Variants in KANSL1L observed in about 807,000 individuals in gnomAD.
The protein encoded by KANSL1L is KAT8 regulatory NSL complex subunit 1 like.
A neutral mutation model predicts 108.6 loss-of-function variants in KANSL1L; 25 were observed. The observed-to-expected ratio is 0.23, with a 90% CI of 0.17 to 0.32. The LOEUF (loss-of-function observed/expected upper bound fraction) is 0.32, where lower values mean the gene tolerates loss of function less well. Among genes scored for constraint, KANSL1L ranks in the 10% least tolerant of loss-of-function variants. The probability of loss-of-function intolerance (pLI) is 1.00; values close to 1 mark genes in which losing one functional copy is unlikely to be tolerated. For missense variants in KANSL1L, 1,137 were observed against 1,125.7 expected (o/e 1.01, Z -0.14); for synonymous variants, 405 against 395.1 (o/e 1.03, Z -0.30).
chr2:210,164,865 T>G (rs952218862), intron 1 of KANSL1L, among the ~76,000 whole-genome samples: 6 of 149,286 alleles, frequency 4.0e-5, no homozygotes, highest in Non-Finnish European at 7.4e-5. Flanking sequence ...GTTTTTTTTT[T>G]TTTGTTTTTT....
chr2:210,027,604 G>C (rs1321702558), intron 11 of KANSL1L, among the ~76,000 whole-genome samples: 1 of 152,154 alleles, frequency 6.6e-6, no homozygotes, highest in East Asian at 1.9e-4. Context: ...TAATAATTAT[G>C]TACTGACTGA....
At chr2:210,041,777 C>T (rs1297737375) in intron 7 of KANSL1L, among the ~76,000 whole-genome samples, 1 of 152,140 alleles carries the variant, frequency 6.6e-6, no homozygotes, top group Non-Finnish European at 1.5e-5. Context: ...ATGATCTCTT[C>T]TTCAAATAAT....
chr2:210,107,466 C>A (rs1370101730), intron 3 of KANSL1L, among the ~76,000 whole-genome samples: 2 of 148,164 alleles, frequency 1.3e-5, no homozygotes, highest in African/African-American at 2.5e-5. Context: ...AAAGCTGTCG[C>A]AAGAACCACC....
intron 4 of KANSL1L, among the ~76,000 whole-genome samples, chr2:210,103,833 A>G (rs1457786443): frequency 1.3e-5 from 2 of 152,172 alleles, no homozygotes; most frequent in Admixed American, 1.3e-4. Context: ...TGTTAGAAAA[A>G]GGATTTTCTA....
At chr2:210,096,728 T>C in intron 5 of KANSL1L, 7 of 957,508 alleles carry the variant, frequency 7.3e-6, no homozygotes, top group Non-Finnish European at 8.7e-6. Flanking sequence ...CTATACAATA[T>C]GTAAGAATCT....
At chr2:210,107,324 C>T (rs1239121461) in intron 3 of KANSL1L, among the ~76,000 whole-genome samples, 3 of 151,650 alleles carry the variant, frequency 2.0e-5, no homozygotes, top group Admixed American at 1.3e-4. Context: ...AAGAGAGAAA[C>T]CATTTGATAT....
intron 6 of KANSL1L, among the ~76,000 whole-genome samples, chr2:210,068,519 C>T (rs2094483864): frequency 6.6e-6 from 1 of 152,108 alleles, no homozygotes; most frequent in South Asian, 2.1e-4. Flanking sequence ...AGAAGTCAGC[C>T]ACCCCGAGGA....
intron 1 of KANSL1L, among the ~76,000 whole-genome samples, chr2:210,154,889 A>G (rs1271611024): frequency 2.0e-5 from 3 of 151,886 alleles, no homozygotes; most frequent in Non-Finnish European, 4.4e-5. Context: ...TCAGAATTCT[A>G]TTTTTTGACA....
At chr2:210,105,883 TATTTC>T (rs1479168141) in intron 3 of KANSL1L, among the ~76,000 whole-genome samples, 1 of 152,150 alleles carries the variant, frequency 6.6e-6, no homozygotes, top group Non-Finnish European at 1.5e-5. Context: ...CAAAAGTTCT[TATTTC>T]ATTTGGTATT....
chr2:210,057,279 G>T (rs2094361918), intron 6 of KANSL1L, among the ~76,000 whole-genome samples: 1 of 152,164 alleles, frequency 6.6e-6, no homozygotes, highest in South Asian at 2.1e-4. Flanking sequence ...GGACTTGCCT[G>T]CAATCCCAGC....
intron 1 of KANSL1L, among the ~76,000 whole-genome samples, chr2:210,159,706 T>C (rs1189905250): frequency 6.6e-6 from 1 of 152,238 alleles, no homozygotes; most frequent in South Asian, 2.1e-4. Context: ...ATAGAAAGGA[T>C]ACTATGTTCA....
intron 9 of KANSL1L, chr2:210,030,735 T>C (rs1253978940): frequency 6.6e-6 from 1 of 151,994 alleles, no homozygotes; most frequent in African/African-American, 2.4e-5. Flanking sequence ...ATATAAAAAT[T>C]GGCCATTGTC....
intron 6 of KANSL1L, among the ~76,000 whole-genome samples, chr2:210,057,162 G>T (rs879693101): frequency 2.1e-4 from 32 of 152,326 alleles, no homozygotes; most frequent in Middle Eastern, 3.4e-3. Flanking sequence ...AGCACTTTGT[G>T]AGGCCAAGGT....
At chr2:210,148,278 G>T (rs1265576519) in intron 2 of KANSL1L, among the ~76,000 whole-genome samples, 1 of 152,124 alleles carries the variant, frequency 6.6e-6, no homozygotes, top group East Asian at 1.9e-4. Context: ...CAAAATCTGT[G>T]TTTCCCCAAA....
At chr2:210,034,897 T>C (rs2094079414) in intron 8 of KANSL1L, among the ~76,000 whole-genome samples, 1 of 152,292 alleles carries the variant, frequency 6.6e-6, no homozygotes, top group Non-Finnish European at 1.5e-5. Flanking sequence ...AATTTCTGTA[T>C]ACCCTTTTCT....
chr2:210,140,377 A>G (rs1239367479), intron 2 of KANSL1L, among the ~76,000 whole-genome samples: 2 of 152,206 alleles, frequency 1.3e-5, no homozygotes, highest in Non-Finnish European at 2.9e-5. Flanking sequence ...TTTGATATGT[A>G]GATAACCCAT....
chr2:210,078,709 T>A (rs147796497), intron 5 of KANSL1L, among the ~76,000 whole-genome samples: 2 of 152,156 alleles, frequency 1.3e-5, no homozygotes, highest in African/African-American at 4.8e-5. Flanking sequence ...ATTAACCTCA[T>A]TGAAAGCAAA....
At position 210,044,108 on chromosome 2, in the gene KANSL1L, CA is replaced by C; in HGVS notation, c.1756-5del. 6.4e-7 allele frequency: 1 copy of C among 1,568,076 alleles called. No homozygotes were observed. Among genetic ancestry groups the C allele is most frequent in the Non-Finnish European group, 8.6e-7 (1 of 1,157,468 alleles). ...CTGTTTCTTTTGAAGGCAAAGTCTG[CA>C]AGGAAAAACCGTATTAGAATATCAC... On this transcript the variant is annotated splice_region_variant and splice_polypyrimidine_tract_variant and intron_variant, in intron 6 of 14. Coordinates refer to ENST00000281772, the MANE Select transcript of KANSL1L (RefSeq NM_152519.4). The surrounding 1 kb of genome is among the most constrained non-coding windows in gnomAD (Gnocchi z 4.2).
At chr2:210,132,117 T>TA (rs1296915386) in intron 2 of KANSL1L, among the ~76,000 whole-genome samples, 1 of 151,936 alleles carries the variant, frequency 6.6e-6, no homozygotes, top group Non-Finnish European at 1.5e-5. Context: ...CATGTTTTTC[T>TA]AAAAAAAATA....
Sources: allele counts gnomAD v4.1 joint callset (sites outside exome capture counted in the v4.1 genomes callset), GRCh38; gene constraint gnomAD v4.1.1; non-coding constraint Gnocchi (gnomAD v3.1); transcripts MANE v1.5; gene names NCBI Gene and HGNC (gene_info 2026-07-23, HGNC 2026-07-21).